Variants in RNGTT observed in about 807,000 individuals in gnomAD.
RNGTT encodes the protein mRNA-capping enzyme.
RNGTT carries 33 observed loss-of-function variants against 79.3 expected under a neutral mutation model. That is an observed-to-expected ratio of 0.42 (90% CI 0.32 to 0.56). The LOEUF (loss-of-function observed/expected upper bound fraction) is 0.56, where lower values mean the gene tolerates loss of function less well. Ranked by LOEUF, RNGTT falls within the 20% of genes least tolerant of loss-of-function variation. RNGTT has a pLI of 0.17. For synonymous variants in RNGTT, 222 were observed against 235.9 expected (o/e 0.94, Z 0.54); for missense variants, 497 against 739.1 (o/e 0.67, Z 3.80).
At chr6:88,624,291 C>T (rs1017947722) in intron 14 of RNGTT, among the ~76,000 whole-genome samples, 2 of 151,738 alleles carry the variant, frequency 1.3e-5, no homozygotes, top group Middle Eastern at 3.2e-3. Flanking sequence ...TGAAAAAGAA[C>T]AAATTTGAAG....
chr6:88,725,662 G>A (rs891041161), intron 13 of RNGTT, among the ~76,000 whole-genome samples: 1 of 152,092 alleles, frequency 6.6e-6, no homozygotes, highest in Non-Finnish European at 1.5e-5. Flanking sequence ...TCCCCATGAG[G>A]GGGAGTTGAA....
intron 14 of RNGTT, among the ~76,000 whole-genome samples, chr6:88,628,640 T>C (rs2127768317): frequency 6.6e-6 from 1 of 152,288 alleles, no homozygotes; most frequent in East Asian, 1.9e-4. Flanking sequence ...GACTAACATT[T>C]ATTAACTACC....
chr6:88,913,668 A>G (rs1232369899), intron 4 of RNGTT, among the ~76,000 whole-genome samples: 1 of 152,192 alleles, frequency 6.6e-6, no homozygotes, highest in African/African-American at 2.4e-5. Context: ...TTCCTGCATG[A>G]TAATAATCCT....
intron 13 of RNGTT, among the ~76,000 whole-genome samples, chr6:88,690,618 G>A (rs944921977): frequency 3.9e-5 from 6 of 151,988 alleles, no homozygotes; most frequent in African/African-American, 1.4e-4. Flanking sequence ...GCTGAGGTGA[G>A]AGGATTGCTT....
chr6:88,872,149 A>C (rs1357481654), intron 8 of RNGTT, among the ~76,000 whole-genome samples: 1 of 152,154 alleles, frequency 6.6e-6, no homozygotes, highest in Non-Finnish European at 1.5e-5. Context: ...GCTTCCATAC[A>C]CATATAAACT....
At chr6:88,901,495 C>CTTTT (rs71024314) in intron 6 of RNGTT, among the ~76,000 whole-genome samples, 930 of 65,804 alleles carry the variant, frequency 0.014, 206 homozygotes, top group African/African-American at 0.063. Flanking sequence ...GCACCCTGAT[C>CTTTT]TTTTTTTTTT....
At chr6:88,666,296 G>A (rs986721695) in intron 14 of RNGTT, among the ~76,000 whole-genome samples, 5 of 152,234 alleles carry the variant, frequency 3.3e-5, no homozygotes, top group African/African-American at 4.8e-5. Context: ...AACCCAAGAC[G>A]TAAGGCCGTG....
chr6:88,952,780 A>G (rs1156452215), intron 1 of RNGTT, among the ~76,000 whole-genome samples: 2 of 152,206 alleles, frequency 1.3e-5, no homozygotes, highest in Non-Finnish European at 2.9e-5. Context: ...AAGATGGATT[A>G]CATCACAGGA....
chr6:88,780,935 GGCAAT>G (rs1215118746), intron 12 of RNGTT, among the ~76,000 whole-genome samples: 1 of 152,130 alleles, frequency 6.6e-6, no homozygotes, highest in Non-Finnish European at 1.5e-5. Context: ...AGGGATATTT[GGCAAT>G]GCGTGGAGAC....
intron 11 of RNGTT, among the ~76,000 whole-genome samples, chr6:88,805,044 G>T (rs1779910771): frequency 2.0e-5 from 3 of 152,146 alleles, no homozygotes; most frequent in African/African-American, 7.2e-5. Context: ...TTTACGATGT[G>T]AAAAATAGTA....
intron 13 of RNGTT, among the ~76,000 whole-genome samples, chr6:88,701,308 T>C (rs1775937721): frequency 6.6e-6 from 1 of 152,082 alleles, no homozygotes; most frequent in Admixed American, 6.5e-5. Context: ...ATCATCTAAC[T>C]CTTTTTCTTT....
intron 8 of RNGTT, among the ~76,000 whole-genome samples, chr6:88,870,013 A>T (rs551921402): frequency 6.6e-6 from 1 of 152,300 alleles, no homozygotes; most frequent in Non-Finnish European, 1.5e-5. Flanking sequence ...TTAAAAATTA[A>T]ATTTCTAAAT....
intron 12 of RNGTT, among the ~76,000 whole-genome samples, chr6:88,776,301 C>A (rs1778876776): frequency 6.7e-6 from 1 of 150,224 alleles, no homozygotes; most frequent in Non-Finnish European, 1.5e-5. Flanking sequence ...TGTTGAGCAC[C>A]TTTTCATACA....
intron 13 of RNGTT, among the ~76,000 whole-genome samples, chr6:88,717,127 G>C (rs1776546368): frequency 6.6e-6 from 1 of 152,118 alleles, no homozygotes; most frequent in Non-Finnish European, 1.5e-5. Context: ...CTATAGTGTA[G>C]TAATACAACA....
chr6:88,770,023 T>C (rs760812806), intron 12 of RNGTT, 149 bp from the exon 13 acceptor site: 1 of 552,442 alleles, frequency 1.8e-6, no homozygotes, highest in East Asian at 2.9e-5. Flanking sequence ...AGGCTAGATA[T>C]CTACCTTCTT....
intron 13 of RNGTT, among the ~76,000 whole-genome samples, chr6:88,719,157 A>G (rs536781988): frequency 3.9e-5 from 6 of 152,292 alleles, no homozygotes; most frequent in Admixed American, 1.3e-4. Context: ...AGAGGTCATC[A>G]TGGTTAGCCT....
intron 5 of RNGTT, among the ~76,000 whole-genome samples, chr6:88,905,726 A>G (rs1224324685): frequency 1.3e-5 from 2 of 151,786 alleles, no homozygotes; most frequent in Non-Finnish European, 2.9e-5. Flanking sequence ...CTCTCCCAAA[A>G]ATACTAAAAT....
chr6:88,787,348 G>A (rs1300566562), intron 12 of RNGTT, among the ~76,000 whole-genome samples: 19 of 152,210 alleles, frequency 1.2e-4, no homozygotes, highest in Non-Finnish European at 1.5e-5. Flanking sequence ...GATTAAGGAA[G>A]ATCACTCGAT....
intron 13 of RNGTT, among the ~76,000 whole-genome samples, chr6:88,761,536 G>C (rs147313663): frequency 6.6e-6 from 1 of 151,988 alleles, no homozygotes. Flanking sequence ...CCCAATACAA[G>C]TGGGAGGCCA....
Sources: gnomAD v4.1 joint callset for allele counts (sites outside exome capture counted in the v4.1 genomes callset) on GRCh38, gnomAD v4.1.1 for gene constraint, MANE v1.5 for transcripts, NCBI Gene and HGNC (gene_info 2026-07-23, HGNC 2026-07-21) for gene names.